CYTH1: variants seen among roughly 807,000 people sequenced by gnomAD.
CYTH1 encodes cytohesin 1, also known as cytohesin-1.
In CYTH1, 18 loss-of-function variants were observed where a neutral mutation model predicts 61.8. The ratio of observed to expected loss-of-function variants is 0.29; its 90% CI spans 0.20 to 0.43. The LOEUF (loss-of-function observed/expected upper bound fraction) is 0.43, where lower values mean the gene tolerates loss of function less well. Ranked by LOEUF, CYTH1 falls within the 20% of genes least tolerant of loss-of-function variation. The probability of loss-of-function intolerance (pLI) is 1.00; values close to 1 mark genes in which losing one functional copy is unlikely to be tolerated. For synonymous variants in CYTH1, 174 were observed against 184.3 expected, an observed-to-expected ratio of 0.94 and a Z score of 0.45; for missense variants, 336 against 510.5, an observed-to-expected ratio of 0.66 and a Z score of 3.29.
rs889997554 is a variant in CYTH1, at chr17:78,690,542, C to CA, written c.891+1874dup. 4.6e-4 allele frequency among the ~76,000 whole-genome samples: 64 copies of CA among 139,452 alleles called. 1 individual carries two copies. Among genetic ancestry groups the CA allele is most frequent in the Admixed American group, 7.2e-4 (10 of 13,920 alleles). 91.5% of individuals were successfully genotyped at this position (139,452 alleles called of 152,430 possible). On this transcript the variant is annotated intron_variant, in intron 11 of 13. Transcript: ENST00000446868. ...TCTACTTAAAAAACAGAAAACAAAA[C>CA]AAAAAAAAACGGATGTGGTGGCGCA...
Position 78,749,470 on chromosome 17 carries a change from A to G in CYTH1, c.22+32732T>C, listed in dbSNP as rs9902993. 4.6e-3 allele frequency among the ~76,000 whole-genome samples: 698 copies of G among 152,018 alleles called. 7 individuals carry two copies. Among genetic ancestry groups the G allele is most frequent in the African/African-American group, 0.016 (651 of 41,446 alleles). ...TTGAGACTCCATCCCCCCTACAAAA[A>G]AAAATTTAAAAATTAGCCAAGTTTG... On this transcript the variant is annotated intron_variant, in intron 1 of 13. Transcript: ENST00000446868.
chr17:78,696,625 T>C (rs1290784784), intron 9 of CYTH1: 1 of 152,274 alleles, frequency 6.6e-6, no homozygotes, highest in African/African-American at 2.4e-5. Flanking sequence ...AAGGATTTGA[T>C]GGAGGTTTAG....
At chr17:78,682,247 G>A (rs899517320) in intron 11 of CYTH1, among the ~76,000 whole-genome samples, 6 of 152,128 alleles carry the variant, frequency 3.9e-5, no homozygotes, top group Non-Finnish European at 5.9e-5. Context: ...GGAGGGTGGA[G>A]AAGTGGGTTG....
chr17:78,702,108 C>T lies in CYTH1; in HGVS notation c.356+14G>A. The stretch of plus-strand genomic sequence containing the variant: ...CAGCCTTCCCTAGCATGCGCATAAT[C>T]CCCAAGGCCTTACCTCTCCCCTAGG... On this transcript the variant is annotated intron_variant, in intron 5 of 13. Coordinates refer to ENST00000446868, the MANE Select transcript of CYTH1 (RefSeq NM_004762.6). The T allele has an allele frequency of 6.3e-7, 1 of 1,592,560 alleles. No homozygotes were observed.
At chr17:78,756,583 G>A (rs2093402130) in intron 1 of CYTH1, among the ~76,000 whole-genome samples, 1 of 152,130 alleles carries the variant, frequency 6.6e-6, no homozygotes, top group African/African-American at 2.4e-5. Flanking sequence ...TCAGAGAACT[G>A]AGTGACACAG....
At position 78,772,448 on chromosome 17, in the gene CYTH1, A is replaced by G. The variant is rs567932890; in HGVS notation, c.22+9754T>C. ...ATACTGAAGAAAAAATCTGTTTGAC[A>G]TAATCTCTTTTGATTAACACATGGA... is the stretch of plus-strand genomic sequence containing the variant. On this transcript the variant is annotated intron_variant, in intron 1 of 13. Transcript: ENST00000446868. Among the ~76,000 whole-genome samples the G allele has an allele frequency of 5.3e-5, 8 of 152,364 alleles. No homozygotes were observed. In the South Asian group the frequency reaches 1.5e-3, roughly 28 times the overall value.
At chr17:78,702,726 A>G (rs2093025044) in intron 3 of CYTH1, 122 bp from the exon 4 acceptor site, 1 of 1,062,766 alleles carries the variant, frequency 9.4e-7, no homozygotes, top group African/African-American at 1.6e-5. Context: ...AGCAACAGGC[A>G]TAATCTGGTG....
chr17:78,711,338 C>CA (rs2093130536), intron 1 of CYTH1, among the ~76,000 whole-genome samples: 1 of 149,592 alleles, frequency 6.7e-6, no homozygotes, highest in Non-Finnish European at 1.5e-5. Flanking sequence ...CACACACACA[C>CA]CAGACTTTCT....
chr17:78,747,470 T>G (rs1458966148), intron 1 of CYTH1, among the ~76,000 whole-genome samples: 1 of 152,136 alleles, frequency 6.6e-6, no homozygotes, highest in Non-Finnish European at 1.5e-5. Flanking sequence ...AGAATACTAT[T>G]CAGTGATTTT....
chr17:78,675,389 ACT>A lies in CYTH1; in HGVS notation c.*700_*701del, dbSNP rs1158279630. 1 of 152,166 alleles carries A rather than the reference ACT, an allele frequency of 6.6e-6. No homozygotes were observed. Among genetic ancestry groups the A allele is most frequent in the Non-Finnish European group, 1.5e-5 (1 of 68,052 alleles). 9.4% of individuals were successfully genotyped at this position (152,166 alleles called of 1,614,324 possible). On this transcript the variant is annotated 3_prime_UTR_variant, in exon 14 of 14. Transcript: ENST00000446868. ...CGACCCCGGCCAGGGCAGGCCCCCG[ACT>A]CTGACTGTGCCGTCTGAGGCTCCAC... is the stretch of plus-strand genomic sequence containing the variant.
Position 78,709,064 on chromosome 17 carries a change from A to C in CYTH1, c.105+586T>G, listed in dbSNP as rs150303202. 7 of 152,416 alleles carry C rather than the reference A, an allele frequency of 4.6e-5. No individual in the cohort carries two copies. In the East Asian group the frequency reaches 1.3e-3, roughly 29 times the overall value. The allele number at this position is 152,416 out of a possible 1,614,324, so 9.4% of individuals were successfully genotyped here. A position where few individuals can be genotyped will look rare whatever the true frequency, so the allele number is the denominator to read the frequency against. On this transcript the variant is annotated intron_variant, in intron 2 of 13. Coordinates refer to ENST00000446868, the MANE Select transcript of CYTH1 (RefSeq NM_004762.6). ...ATTGGCTTCTAGACTTATTTCCTAC[A>C]AGCTTGATAGTTACAAAAAGGAACT... is the stretch of plus-strand genomic sequence containing the variant.
chr17:78,687,956 A>G (rs970672320), intron 11 of CYTH1, among the ~76,000 whole-genome samples: 1 of 152,242 alleles, frequency 6.6e-6, no homozygotes, highest in Non-Finnish European at 1.5e-5. Flanking sequence ...GTATCACAGA[A>G]GCCGTGTGTG....
intron 1 of CYTH1, among the ~76,000 whole-genome samples, chr17:78,770,930 C>A (rs148328683): frequency 0.012 from 1,759 of 152,084 alleles, 33 homozygotes; most frequent in African/African-American, 0.04. Context: ...GGGTTCAAGA[C>A]CAGCATGGCC....
chr17:78,690,423 A>G (rs1272183640), intron 11 of CYTH1, among the ~76,000 whole-genome samples: 1 of 134,240 alleles, frequency 7.4e-6, no homozygotes, highest in Non-Finnish European at 1.6e-5. Context: ...AAAAAAAAAA[A>G]AAAAAAAAGA....
chr17:78,757,355 G>A (rs1364957989), intron 1 of CYTH1, among the ~76,000 whole-genome samples: 1 of 152,124 alleles, frequency 6.6e-6, no homozygotes, highest in Non-Finnish European at 1.5e-5. Context: ...AATTAAACAG[G>A]TCTTGGTTAG....
Position 78,682,085 on chromosome 17 carries a change from G to A in CYTH1, c.892-1043C>T, listed in dbSNP as rs573290955. On this transcript the variant is annotated intron_variant, in intron 11 of 13. Transcript: ENST00000446868. ...TTACCCGGGCATATTCATATTCCCC[G>A]TCCTCCTAAAATAACTATCTGGTCA... 3.4e-4 allele frequency among the ~76,000 whole-genome samples: 51 copies of A among 149,012 alleles called. 1 individual carries two copies. Among genetic ancestry groups the A allele is most frequent in the African/African-American group, 1.2e-3 (46 of 38,518 alleles).
chr17:78,737,761 G>A (rs1466752479), intron 1 of CYTH1, among the ~76,000 whole-genome samples: 1 of 151,182 alleles, frequency 6.6e-6, no homozygotes. Context: ...TAGTAACAAG[G>A]AAAAAAAACA....
chr17:78,700,828 GCCAA>G lies in CYTH1; in HGVS notation c.438-389_438-386del, dbSNP rs2093001113. Among the ~76,000 whole-genome samples the G allele has an allele frequency of 2.0e-5, 3 of 152,084 alleles. No homozygotes were observed. The highest frequency in any genetic ancestry group is 2.0e-4 in the Admixed American group (3 of 15,262). On this transcript the variant is annotated intron_variant, in intron 6 of 13. Coordinates refer to ENST00000446868, the MANE Select transcript of CYTH1 (RefSeq NM_004762.6). This position sits in a 1 kb window ranked among gnomAD's most constrained non-coding sequence, Gnocchi z 5.1. ...GTGTGAGCCACGGTGCCTGACCACTGCCAATGATTTTTTAACATCAAAGTGCAAA... is the reference window on the plus strand; with the variant it reads ...GTGTGAGCCACGGTGCCTGACCACTGTGATTTTTTAACATCAAAGTGCAAA...
At chr17:78,755,491 T>TA (rs3073742) in intron 1 of CYTH1, among the ~76,000 whole-genome samples, 8 of 129,844 alleles carry the variant, frequency 6.2e-5, no homozygotes, top group Non-Finnish European at 9.4e-5. Flanking sequence ...TGGGTTTATT[T>TA]AAAAAAAAAA....
Sources: allele counts gnomAD v4.1 joint callset (sites outside exome capture counted in the v4.1 genomes callset), GRCh38; gene constraint gnomAD v4.1.1; non-coding constraint Gnocchi (gnomAD v3.1); transcripts MANE v1.5; gene names NCBI Gene and HGNC (gene_info 2026-07-23, HGNC 2026-07-21).